THSD7B: variants seen among roughly 807,000 people sequenced by gnomAD.
THSD7B encodes the protein thrombospondin type-1 domain-containing protein 7B.
THSD7B carries 138 observed loss-of-function variants against 213.6 expected under a neutral mutation model. The ratio of observed to expected loss-of-function variants is 0.65; its 90% CI spans 0.56 to 0.74. The LOEUF is 0.74. Among genes scored for constraint, THSD7B ranks in the 30% least tolerant of loss-of-function variants. The pLI is 0.00. For missense variants in THSD7B, 1,931 were observed against 1,991.5 expected (o/e 0.97, Z 0.58); for synonymous variants, 742 against 687.0 (o/e 1.08, Z -1.25).
intron 27 of THSD7B, among the ~76,000 whole-genome samples, chr2:137,671,387 T>TAATCC (rs1397885041): frequency 6.6e-6 from 1 of 152,294 alleles, no homozygotes; most frequent in East Asian, 1.9e-4. Context: ...GGCACTATAT[T>TAATCC]AATCCATTGT....
chr2:137,578,609 C>T (rs576515760), intron 17 of THSD7B, among the ~76,000 whole-genome samples: 26 of 152,284 alleles, frequency 1.7e-4, no homozygotes, highest in African/African-American at 5.3e-4. Context: ...CCACAGGTAA[C>T]ATTACTGCCT....
intron 15 of THSD7B, among the ~76,000 whole-genome samples, chr2:137,473,469 A>C (rs1672717084): frequency 6.6e-6 from 1 of 152,136 alleles, no homozygotes; most frequent in South Asian, 2.1e-4. Context: ...CGGCCTCCCA[A>C]GGAAAACATT....
intron 19 of THSD7B, among the ~76,000 whole-genome samples, chr2:137,620,255 G>T (rs565781779): frequency 6.6e-6 from 1 of 151,988 alleles, no homozygotes; most frequent in Non-Finnish European, 1.5e-5. Flanking sequence ...TGTACTTTTG[G>T]CCTATTCAGA....
chr2:136,766,858 C>A (rs1681405586), intron 1 of THSD7B, among the ~76,000 whole-genome samples: 1 of 152,144 alleles, frequency 6.6e-6, no homozygotes, highest in African/African-American at 2.4e-5. Context: ...CTCCTTGGAG[C>A]TCTTTAAATG....
chr2:137,321,200 T>C (rs1047406589), intron 12 of THSD7B, among the ~76,000 whole-genome samples: 1 of 152,224 alleles, frequency 6.6e-6, no homozygotes, highest in Non-Finnish European at 1.5e-5. Flanking sequence ...AGGGGGAAAC[T>C]GAACATATGC....
chr2:137,019,449 C>A (rs548611041), intron 2 of THSD7B, among the ~76,000 whole-genome samples: 1 of 152,332 alleles, frequency 6.6e-6, no homozygotes, highest in East Asian at 1.9e-4. Context: ...TGTAACCGAG[C>A]AAACCCTTAT....
At chr2:137,303,380 T>C (rs919669043) in intron 12 of THSD7B, among the ~76,000 whole-genome samples, 1 of 152,090 alleles carries the variant, frequency 6.6e-6, no homozygotes, top group Non-Finnish European at 1.5e-5. Context: ...TTAATATTAA[T>C]AATGCAACTG....
intron 12 of THSD7B, among the ~76,000 whole-genome samples, chr2:137,290,558 C>A (rs570510670): frequency 3.4e-4 from 51 of 152,198 alleles, no homozygotes; most frequent in Admixed American, 1.2e-3. Context: ...TTTGTGATTT[C>A]CATCTTTAAT....
chr2:137,198,823 G>GT lies in THSD7B; in HGVS notation c.1723+27889dup, dbSNP rs531239610. 9.9e-4 allele frequency among the ~76,000 whole-genome samples: 151 copies of GT among 152,168 alleles called. 1 individual carries two copies. The highest frequency in any genetic ancestry group is 2.8e-3 in the Admixed American group (43 of 15,278). On this transcript the variant is annotated intron_variant, in intron 7 of 27. Coordinates refer to ENST00000409968, the MANE Select transcript of THSD7B (RefSeq NM_001316349.2). ...AGAAAAACTGGAAGACTTTTTGGTG[G>GT]TTTTCTTTTCTTCAGACTAAGAATT...
chr2:136,900,464 A>G (rs1175723277), intron 2 of THSD7B, among the ~76,000 whole-genome samples: 1 of 152,184 alleles, frequency 6.6e-6, no homozygotes, highest in Non-Finnish European at 1.5e-5. Flanking sequence ...ACACATACAC[A>G]CACACACACC....
chr2:137,288,448 C>G (rs558916469), intron 12 of THSD7B, among the ~76,000 whole-genome samples: 1 of 152,050 alleles, frequency 6.6e-6, no homozygotes, highest in African/African-American at 2.4e-5. Flanking sequence ...GAAGTAGGAA[C>G]TGAAAATGGG....
chr2:136,882,023 A>T, intron 1 of THSD7B, 121 bp from the exon 2 acceptor site: 1 of 611,458 alleles, frequency 1.6e-6, no homozygotes, highest in Non-Finnish European at 2.5e-6. Context: ...TATTATATGT[A>T]CTATCTTCAT....
intron 1 of THSD7B, among the ~76,000 whole-genome samples, chr2:136,795,475 A>C (rs574054874): frequency 3.3e-5 from 5 of 151,984 alleles, no homozygotes; most frequent in Admixed American, 2.6e-4. Context: ...CACATCTGCA[A>C]AGTCCGTTTT....
intron 1 of THSD7B, among the ~76,000 whole-genome samples, chr2:136,836,454 T>A (rs1682843982): frequency 6.6e-6 from 1 of 152,244 alleles, no homozygotes; most frequent in African/African-American, 2.4e-5. Context: ...ATGAGATTTA[T>A]TAGTGTGTGT....
In THSD7B at chr2:137,411,797, G is replaced by A; in HGVS notation, c.2884G>A (p.Gly962Ser). Residue 962 changes from glycine to serine, a missense_variant, in exon 14 of 28, where the codon GGC (glycine) becomes AGC (serine). Gly to Ser is a moderately conservative substitution (Grantham distance 56). Coordinates refer to ENST00000409968, the MANE Select transcript of THSD7B (RefSeq NM_001316349.2). ...VQADSKECGE[G>S]LRFRAVACSD... ...AGCAGACAGCAAAGAATGTGGAGAA[G>A]GCCTGCGCTTTCGAGCAGTAGCCTG... 6.2e-7 allele frequency: 1 copy of A among 1,613,942 alleles called. No individual in the cohort carries two copies. The highest frequency in any genetic ancestry group is 8.5e-7 in the Non-Finnish European group (1 of 1,179,898).
At chr2:136,841,003 C>T (rs1434797747) in intron 1 of THSD7B, among the ~76,000 whole-genome samples, 1 of 152,044 alleles carries the variant, frequency 6.6e-6, no homozygotes, top group Non-Finnish European at 1.5e-5. Context: ...CCTATACTAT[C>T]ATCAGTGAGG....
At chr2:137,302,829 G>A (rs915835755) in intron 12 of THSD7B, among the ~76,000 whole-genome samples, 2 of 152,052 alleles carry the variant, frequency 1.3e-5, no homozygotes, top group African/African-American at 2.4e-5. Context: ...TATTAAAAAC[G>A]AAGTCATGAC....
At chr2:136,795,956 A>AT (rs1682053523) in intron 1 of THSD7B, among the ~76,000 whole-genome samples, 1 of 151,738 alleles carries the variant, frequency 6.6e-6, no homozygotes, top group Non-Finnish European at 1.5e-5. Flanking sequence ...GTCTGCTTTT[A>AT]TTTTTTCCCC....
At chr2:137,051,285 T>C (rs1207788907) in intron 2 of THSD7B, among the ~76,000 whole-genome samples, 1 of 152,242 alleles carries the variant, frequency 6.6e-6, no homozygotes, top group Non-Finnish European at 1.5e-5. Context: ...CAGAATCTAA[T>C]ACACTACTCG....
Sources: gnomAD v4.1 joint callset for allele counts (sites outside exome capture counted in the v4.1 genomes callset) on GRCh38, gnomAD v4.1.1 for gene constraint, MANE v1.5 for transcripts, NCBI Gene and HGNC (gene_info 2026-07-23, HGNC 2026-07-21) for gene names.